Variants in LZTS3 observed in about 807,000 individuals in gnomAD.
LZTS3 encodes the protein leucine zipper putative tumor suppressor 3.
Under a neutral mutation model 50.9 loss-of-function variants are expected in LZTS3, and 16 were observed. The observed-to-expected ratio is 0.31, with a 90% CI of 0.21 to 0.48. LZTS3 has a LOEUF of 0.48. Among genes scored for constraint, LZTS3 ranks in the 20% least tolerant of loss-of-function variants. LZTS3 has a pLI of 0.99. For synonymous variants in LZTS3, 408 were observed against 410.6 expected, an observed-to-expected ratio of 0.99 and a Z score of 0.08; for missense variants, 816 against 931.0, an observed-to-expected ratio of 0.88 and a Z score of 1.61.
chr20:3,167,514 G>A (rs1188110495), intron 2 of LZTS3: 7 of 1,073,192 alleles, frequency 6.5e-6, no homozygotes, highest in Non-Finnish European at 7.9e-6. Context: ...GAGCTTCCCA[G>A]GCTCAGTGAC....
Position 3,165,233 on chromosome 20 carries a change from A to G in LZTS3, c.1324-81T>C. The G allele has an allele frequency of 7.4e-7, 1 of 1,349,080 alleles. No individual in the cohort carries two copies. Among genetic ancestry groups the G allele is most frequent in the Non-Finnish European group, 9.8e-7 (1 of 1,019,900 alleles). The allele number at this position is 1,349,080 out of a possible 1,614,324, so 83.6% of individuals were successfully genotyped here. A position where few individuals can be genotyped will look rare whatever the true frequency, so the allele number is the denominator to read the frequency against. On this transcript the variant is annotated intron_variant, in intron 4 of 4. Transcript: ENST00000337576. The surrounding 1 kb of genome is among the most constrained non-coding windows in gnomAD (Gnocchi z 5.0). ...CAACCCAGCTACCAGATCTGGAGCC[A>G]GGGGCACCAAGCTTCCCGGGGCTGC...
At position 3,165,151 on chromosome 20, in the gene LZTS3, A is replaced by G; in HGVS notation, c.1325T>C (p.Val442Ala). ...GGAGATCTCGCCAGCCTTCTGGCACACCTGGGCAGGAACAGGTGAGAGGAG... is the reference window on the plus strand; with the variant it reads ...GGAGATCTCGCCAGCCTTCTGGCACGCCTGGGCAGGAACAGGTGAGAGGAG... ...LPRIEETKWE[V>A]CQKAGEISLL... The change falls in exon 5 of 5, where the codon GTG becomes GCG. Residue 442 changes from valine (V) to alanine (A), a missense_variant and splice_region_variant. Val to Ala is a moderately conservative substitution (Grantham distance 64). Transcript: ENST00000337576. The surrounding 1 kb of genome is among the most constrained non-coding windows in gnomAD (Gnocchi z 5.0). 6.4e-7 allele frequency: 1 copy of G among 1,558,256 alleles called. No individual in the cohort carries two copies. The highest frequency in any genetic ancestry group is 8.7e-7 in the Non-Finnish European group (1 of 1,152,788).
Position 3,166,374 on chromosome 20 carries a change from A to AG in LZTS3, c.460-15dup. On this transcript the variant is annotated splice_polypyrimidine_tract_variant and intron_variant, in intron 3 of 4. Transcript: ENST00000337576. The stretch of plus-strand genomic sequence containing the variant: ...TGGTTCTGAGCACTGCAGGAAACGC[A>AG]GGAGGGGGCTGGGGGTCAGGATGAG... The AG allele has an allele frequency of 6.3e-7, 1 of 1,588,896 alleles. No homozygotes were observed. Among genetic ancestry groups the AG allele is most frequent in the Non-Finnish European group, 8.6e-7 (1 of 1,167,194 alleles).
chr20:3,165,443 T>G lies in LZTS3; in HGVS notation c.1323+54A>C. ...TAGTGAGGGGCAACTGCTCTGGGGT[T>G]TCCCAGAGGGACAGAAGGGAGGCAG... On this transcript the variant is annotated intron_variant, in intron 4 of 4. Coordinates refer to ENST00000337576, the MANE Select transcript of LZTS3 (RefSeq NM_001365618.1). The surrounding 1 kb of genome is among the most constrained non-coding windows in gnomAD (Gnocchi z 5.0). The G allele has an allele frequency of 7.9e-7, 1 of 1,269,716 alleles. No homozygotes were observed. Among genetic ancestry groups the G allele is most frequent in the Non-Finnish European group, 1.0e-6 (1 of 970,236 alleles). The allele number at this position is 1,269,716 out of a possible 1,614,324, so 78.7% of individuals were successfully genotyped here.
rs1329909285 is a variant in LZTS3 at position 3,163,701 on chromosome 20, A to T, written c.*753T>A. 1 of 152,404 alleles carries T rather than the reference A, an allele frequency of 6.6e-6. No individual in the cohort carries two copies. The highest frequency in any genetic ancestry group is 1.9e-4 in the East Asian group (1 of 5,200). The allele number at this position is 152,404 out of a possible 1,614,324, so 9.4% of individuals were successfully genotyped here. A position where few individuals can be genotyped will look rare whatever the true frequency, so the allele number is the denominator to read the frequency against. Reference sequence around the variant, plus strand: ...GCTGTTGCCCTGCGGGATCCTGGCCAGAAGGGTGAGGGTAGAGCCGAGAAG... The same window carrying T: ...GCTGTTGCCCTGCGGGATCCTGGCCTGAAGGGTGAGGGTAGAGCCGAGAAG... On this transcript the variant is annotated 3_prime_UTR_variant, in exon 5 of 5. Transcript: ENST00000337576. The surrounding 1 kb of genome is among the most constrained non-coding windows in gnomAD (Gnocchi z 5.2).
intron 2 of LZTS3, chr20:3,167,428 G>C (rs918960638): frequency 2.5e-6 from 2 of 808,764 alleles, no homozygotes; most frequent in Non-Finnish European, 3.2e-6. Flanking sequence ...AGCCCCCAGC[G>C]TTGCTCAGCT....
Position 3,165,892 on chromosome 20 carries a change from C to G in LZTS3, c.928G>C (p.Ala310Pro). The stretch of plus-strand genomic sequence containing the variant: ...CTGGGGGAGGGCGGTGAGCAGGCCG[C>G]GAAAGGCAGGCCTCCACCTCCGCCC... ...GEGGGGGLPF[A>P]ACSPPSPSAL... The change falls in exon 4 of 5, where the codon GCG becomes CCG. Residue 310 changes from alanine (A) to proline (P), a missense_variant. By Grantham distance (27) the Ala-to-Pro change is conservative. Transcript: ENST00000337576. This position sits in a 1 kb window ranked among gnomAD's most constrained non-coding sequence, Gnocchi z 5.0. 1.2e-6 allele frequency: 2 copies of G among 1,608,046 alleles called. No homozygotes were observed. The highest frequency in any genetic ancestry group is 1.7e-6 in the Non-Finnish European group (2 of 1,179,580).
At position 3,163,751 on chromosome 20, in the gene LZTS3, CAGG is replaced by C. The variant is rs1387314889; in HGVS notation, c.*700_*702del. ...GCCGTCAGGCAACGCTTCCCAAGAA[CAGG>C]AGGACAGATCTTCCCTGGGTGCTGG... On this transcript the variant is annotated 3_prime_UTR_variant, in exon 5 of 5. Transcript: ENST00000337576. The surrounding 1 kb of genome is among the most constrained non-coding windows in gnomAD (Gnocchi z 5.2). The C allele has an allele frequency of 1.3e-5, 2 of 152,410 alleles. No homozygotes were observed. Among genetic ancestry groups the C allele is most frequent in the African/African-American group, 4.8e-5 (2 of 41,442 alleles). The allele number at this position is 152,410 out of a possible 1,614,324, so 9.4% of individuals were successfully genotyped here. A position where few individuals can be genotyped will look rare whatever the true frequency, so the allele number is the denominator to read the frequency against.
chr20:3,166,382 G>A, intron 3 of LZTS3, 22 bp from the exon 4 acceptor site: 2 of 1,577,144 alleles, frequency 1.3e-6, no homozygotes, highest in Non-Finnish European at 8.6e-7. Context: ...GCAGGAGGGG[G>A]CTGGGGGTCA....
chr20:3,166,836 C>T lies in LZTS3; in HGVS notation c.328G>A (p.Asp110Asn), dbSNP rs139077233. 700 of 1,613,764 alleles carry T rather than the reference C, an allele frequency of 4.3e-4. 1 individual carries two copies. The highest frequency in any genetic ancestry group is 5.6e-4 in the Non-Finnish European group (661 of 1,180,014). The change falls in exon 3 of 5, where the codon GAT (aspartate) becomes AAT (asparagine). Residue 110 changes from aspartate (D) to asparagine (N), a missense_variant. Transcript: ENST00000337576. The stretch of plus-strand genomic sequence containing the variant: ...CTGCCAACCACGTTGCCACAGACAT[C>T]GGTGTGGTCACTGCCCCGCAGCTCA... ...NGELRGSDHT[D>N]VCGNVVGSSG...
At position 3,162,878 on chromosome 20, in the gene LZTS3, G is replaced by C. The variant is rs2066754225; in HGVS notation, c.*1576C>G. On this transcript the variant is annotated 3_prime_UTR_variant, in exon 5 of 5. Transcript: ENST00000337576. This position sits in a 1 kb window ranked among gnomAD's most constrained non-coding sequence, Gnocchi z 5.0. ...GAATGGAATGGGCAGTGGTCGCCAG[G>C]ATGGCCTCCCACCCAGCTCAGAGAC... 1 of 152,628 alleles carries C rather than the reference G, an allele frequency of 6.6e-6. No individual in the cohort carries two copies. The allele number at this position is 152,628 out of a possible 1,614,324, so 9.5% of individuals were successfully genotyped here.
rs1600441571 is a variant in LZTS3 at position 3,165,284 on chromosome 20, C to G, written c.1324-132G>C. 2.6e-6 allele frequency: 3 copies of G among 1,166,894 alleles called. No homozygotes were observed. Among genetic ancestry groups the G allele is most frequent in the Non-Finnish European group, 3.5e-6 (3 of 856,484 alleles). 72.3% of individuals were successfully genotyped at this position (1,166,894 alleles called of 1,614,324 possible). A position where few individuals can be genotyped will look rare whatever the true frequency, so the allele number is the denominator to read the frequency against. ...AGGCTCAGCCCCTCATCAGCAGCGA[C>G]GCACCCGATTCCCTGCCTGGACTCA... On this transcript the variant is annotated intron_variant, in intron 4 of 4. Coordinates refer to ENST00000337576, the MANE Select transcript of LZTS3 (RefSeq NM_001365618.1). This position sits in a 1 kb window ranked among gnomAD's most constrained non-coding sequence, Gnocchi z 5.0.
Position 3,164,183 on chromosome 20 carries a change from G to A in LZTS3, c.*271C>T. The A allele has an allele frequency of 2.5e-6, 1 of 403,856 alleles. No homozygotes were observed. The highest frequency in any genetic ancestry group is 4.3e-6 in the Non-Finnish European group (1 of 230,980). The allele number at this position is 403,856 out of a possible 1,614,324, so 25.0% of individuals were successfully genotyped here. A position where few individuals can be genotyped will look rare whatever the true frequency, so the allele number is the denominator to read the frequency against. Reference sequence around the variant, plus strand: ...TCCAACAAGGGGGTGCCGAGAAAGGGAGCATGACTCCCCCACCACCTAGGA... The same window carrying A: ...TCCAACAAGGGGGTGCCGAGAAAGGAAGCATGACTCCCCCACCACCTAGGA... On this transcript the variant is annotated 3_prime_UTR_variant, in exon 5 of 5. Transcript: ENST00000337576.
At position 3,166,272 on chromosome 20, in the gene LZTS3, G is replaced by T; in HGVS notation, c.548C>A (p.Thr183Asn). 1 of 1,614,014 alleles carries T rather than the reference G, an allele frequency of 6.2e-7. No individual in the cohort carries two copies. The highest frequency in any genetic ancestry group is 1.1e-5 in the South Asian group (1 of 91,062). Residue 183 changes from threonine (T) to asparagine (N), a missense_variant, in exon 4 of 5, where the codon ACC becomes AAC. Thr to Asn is a moderately conservative substitution (Grantham distance 65, BLOSUM62 0). This residue lies in a region of LZTS3 where 700 missense variants were observed against 769.4 expected (regional missense o/e 0.91). Coordinates refer to ENST00000337576, the MANE Select transcript of LZTS3 (RefSeq NM_001365618.1). The stretch of plus-strand genomic sequence containing the variant: ...CTGCCGTCCCTCAGGAGTCCCATTG[G>T]TCTGCGGGGGGCACAAATTCTGCAT... ...HSMQNLCPPQ[T>N]NGTPEGRQGP...
In LZTS3 at chr20:3,165,554, G is replaced by C. The variant is rs374430912; in HGVS notation, c.1266C>G (p.Ala422=). ...AGTCGGCCTGCTCCTTCTGGCAGGCGGCCACCTTGTCCTCCAGCTCTTCCC... is the reference window on the plus strand; with the variant it reads ...AGTCGGCCTGCTCCTTCTGGCAGGCCGCCACCTTGTCCTCCAGCTCTTCCC... ...RQREELEDKV[A]ACQKEQADFL... Residue 422 remains alanine, a synonymous_variant, in exon 4 of 5, where the codon GCC becomes GCG. Coordinates refer to ENST00000337576, the MANE Select transcript of LZTS3 (RefSeq NM_001365618.1). This position sits in a 1 kb window ranked among gnomAD's most constrained non-coding sequence, Gnocchi z 5.0. 2 of 1,582,922 alleles carry C rather than the reference G, an allele frequency of 1.3e-6. No homozygotes were observed. Among genetic ancestry groups the C allele is most frequent in the Non-Finnish European group, 1.7e-6 (2 of 1,171,148 alleles).
rs766761386 is a variant in LZTS3, at chr20:3,167,177, G to A, written c.-14C>T. 4 of 1,454,366 alleles carry A rather than the reference G, an allele frequency of 2.8e-6. No homozygotes were observed. The highest frequency in any genetic ancestry group is 2.4e-5 in the East Asian group (1 of 41,416). The allele number at this position is 1,454,366 out of a possible 1,614,324, so 90.1% of individuals were successfully genotyped here. On this transcript the variant is annotated 5_prime_UTR_variant, in exon 3 of 5. Coordinates refer to ENST00000337576, the MANE Select transcript of LZTS3 (RefSeq NM_001365618.1). Reference sequence around the variant, plus strand: ...CAGCTTCGCCATGACTAAGCCAGGGGGGCACTGTGGGCACAGGTGGGAAGG... The same window carrying A: ...CAGCTTCGCCATGACTAAGCCAGGGAGGCACTGTGGGCACAGGTGGGAAGG...
chr20:3,168,608 T>A (rs2122191514), intron 1 of LZTS3: 1 of 152,374 alleles, frequency 6.6e-6, no homozygotes, highest in Middle Eastern at 3.4e-3. Flanking sequence ...GAGGCCGTGC[T>A]TCCTCGTTCC....
rs1379896621 is a variant in LZTS3 at position 3,164,822 on chromosome 20, C to T, written c.1654G>A (p.Ala552Thr). Residue 552 changes from alanine (A) to threonine (T), a missense_variant, in exon 5 of 5, where the codon GCC becomes ACC. By Grantham distance (58) the Ala-to-Thr change is moderately conservative. Transcript: ENST00000337576. ...CCGTCCACGGAAACCAAGGAGGCGGCAGCGGCCACCCCGGCCTGACGGCGC... is the reference window on the plus strand; with the variant it reads ...CCGTCCACGGAAACCAAGGAGGCGGTAGCGGCCACCCCGGCCTGACGGCGC... Reference protein sequence around the residue: ...KMRRQAGVAAAASLVSVDGEA... With the variant: ...KMRRQAGVAATASLVSVDGEA... 6.5e-7 allele frequency: 1 copy of T among 1,544,880 alleles called. No homozygotes were observed.
In LZTS3 at chr20:3,166,004, G is replaced by A. The variant is rs2066812379; in HGVS notation, c.816C>T (p.Asp272=). ...GSSGGGSGYQ[D]LGTSDSGRAS... Reference sequence around the variant, plus strand: ...CCCGTCCACTATCGGAGGTCCCCAGGTCCTGGTAGCCCGACCCCCCACCGC... The same window carrying A: ...CCCGTCCACTATCGGAGGTCCCCAGATCCTGGTAGCCCGACCCCCCACCGC... Residue 272 remains aspartate (D), a synonymous_variant, in exon 4 of 5, where the codon GAC becomes GAT. Transcript: ENST00000337576. 6.2e-7 allele frequency: 1 copy of A among 1,613,454 alleles called. No individual in the cohort carries two copies. The highest frequency in any genetic ancestry group is 1.1e-5 in the South Asian group (1 of 91,048).
Sources: allele counts gnomAD v4.1 joint callset, GRCh38; gene constraint gnomAD v4.1.1; regional missense constraint gnomAD v4.1.1; non-coding constraint Gnocchi (gnomAD v3.1); transcripts MANE v1.5; gene names NCBI Gene and HGNC (gene_info 2026-07-23, HGNC 2026-07-21).